The following CPNE4 variants were observed in gnomAD, a reference collection of about 807,000 sequenced individuals.
CPNE4 encodes copine 4, also known as copine-4.
Under a neutral mutation model 67.9 loss-of-function variants are expected in CPNE4, and 25 were observed. The ratio of observed to expected loss-of-function variants is 0.37; its 90% CI spans 0.27 to 0.51. CPNE4 has a LOEUF of 0.51. Among genes scored for constraint, CPNE4 ranks in the 20% least tolerant of loss-of-function variants. The pLI, the probability that CPNE4 is intolerant of heterozygous loss-of-function variation, is 0.93. For missense variants in CPNE4, 464 were observed against 690.8 expected (o/e 0.67, Z 3.68); for synonymous variants, 242 against 244.9 (o/e 0.99, Z 0.11).
chr3:132,014,893 G>T (rs972827792), intron 1 of CPNE4, among the ~76,000 whole-genome samples: 1 of 152,024 alleles, frequency 6.6e-6, no homozygotes, highest in Non-Finnish European at 1.5e-5. Flanking sequence ...ATTTTAAAAT[G>T]GATCCTATTA....
intron 1 of CPNE4, among the ~76,000 whole-genome samples, chr3:132,025,137 G>C (rs2074090423): frequency 6.6e-6 from 1 of 152,210 alleles, no homozygotes; most frequent in African/African-American, 2.4e-5. Context: ...ACCATGGCTT[G>C]AAGATAATAT....
At chr3:132,008,821 A>G (rs760157994) in intron 1 of CPNE4, among the ~76,000 whole-genome samples, 3 of 152,162 alleles carry the variant, frequency 2.0e-5, no homozygotes, top group African/African-American at 4.8e-5. Context: ...ATATCACTCA[A>G]GAAGGAGATG....
At chr3:131,842,483 C>T (rs1200244437) in intron 2 of CPNE4, among the ~76,000 whole-genome samples, 1 of 152,092 alleles carries the variant, frequency 6.6e-6, no homozygotes, top group Non-Finnish European at 1.5e-5. Flanking sequence ...CACTCTGAAC[C>T]CAGATAACAT....
intron 5 of CPNE4, among the ~76,000 whole-genome samples, chr3:131,693,253 C>G (rs1348171551): frequency 6.6e-6 from 1 of 151,958 alleles, no homozygotes; most frequent in African/African-American, 2.4e-5. Context: ...TCTTAAGACC[C>G]CTTTACATTC....
chr3:132,023,519 GCT>G, intron 1 of CPNE4, among the ~76,000 whole-genome samples: 1 of 112,074 alleles, frequency 8.9e-6, no homozygotes, highest in African/African-American at 3.6e-5. Flanking sequence ...ACGGAGTCTC[GCT>G]CTGTCGCCCA....
At chr3:131,850,045 G>C (rs943499845) in intron 2 of CPNE4, among the ~76,000 whole-genome samples, 1 of 152,050 alleles carries the variant, frequency 6.6e-6, no homozygotes, top group African/African-American at 2.4e-5. Context: ...TATAAAATTT[G>C]CAGTATTCAT....
chr3:131,728,692 C>T (rs995547823), intron 2 of CPNE4, among the ~76,000 whole-genome samples: 3 of 151,708 alleles, frequency 2.0e-5, no homozygotes, highest in Non-Finnish European at 4.4e-5. Flanking sequence ...GGGCGGATCA[C>T]GAGGTCAGGA....
chr3:131,564,885 A>G (rs1211160040), intron 10 of CPNE4, among the ~76,000 whole-genome samples: 2 of 152,158 alleles, frequency 1.3e-5, no homozygotes, highest in African/African-American at 2.4e-5. Context: ...GAGCAGCTCC[A>G]TGTAAGGCAT....
At chr3:131,725,041 C>T (rs2081971117) in intron 2 of CPNE4, among the ~76,000 whole-genome samples, 1 of 152,198 alleles carries the variant, frequency 6.6e-6, no homozygotes, top group African/African-American at 2.4e-5. Context: ...GTACTGTCAG[C>T]TTTCAAATAG....
intron 7 of CPNE4, among the ~76,000 whole-genome samples, chr3:131,652,546 T>C (rs1305062501): frequency 6.6e-6 from 1 of 152,154 alleles, no homozygotes; most frequent in African/African-American, 2.4e-5. Context: ...TAAAAATGTG[T>C]GTGTGAATTT....
At chr3:131,538,197 T>G (rs1370597268) in intron 15 of CPNE4, among the ~76,000 whole-genome samples, 1 of 152,266 alleles carries the variant, frequency 6.6e-6, no homozygotes, top group Admixed American at 6.5e-5. Context: ...GGTAATATTC[T>G]ATATCTGTGC....
At chr3:131,861,982 G>C (rs2086708350) in intron 2 of CPNE4, among the ~76,000 whole-genome samples, 2 of 152,176 alleles carry the variant, frequency 1.3e-5, no homozygotes, top group African/African-American at 2.4e-5. Flanking sequence ...CCAATATTTA[G>C]ACATCATCTC....
chr3:131,592,309 G>A (rs34430199), intron 7 of CPNE4, among the ~76,000 whole-genome samples: 5,025 of 152,282 alleles, frequency 0.033, 110 homozygotes, highest in Non-Finnish European at 0.048. Context: ...CTGAGGCACA[G>A]AAAGATGAAG....
At chr3:131,739,479 A>G (rs1326085786) in intron 2 of CPNE4, among the ~76,000 whole-genome samples, 1 of 152,182 alleles carries the variant, frequency 6.6e-6, no homozygotes, top group Non-Finnish European at 1.5e-5. Context: ...GTGAGTATAA[A>G]CATCTTCTTT....
intron 2 of CPNE4, among the ~76,000 whole-genome samples, chr3:131,761,836 T>C (rs924775143): frequency 6.6e-6 from 1 of 152,128 alleles, no homozygotes; most frequent in Non-Finnish European, 1.5e-5. Context: ...TATCAGGGCA[T>C]TTCTCAAAAA....
chr3:131,550,256 T>G (rs1459842449), intron 13 of CPNE4, among the ~76,000 whole-genome samples, 176 bp from the exon 14 acceptor site: 1 of 152,160 alleles, frequency 6.6e-6, no homozygotes, highest in African/African-American at 2.4e-5. Flanking sequence ...CCTTCCCCAC[T>G]GAAATCATTC....
chr3:131,911,365 G>A (rs1399737148), intron 1 of CPNE4, among the ~76,000 whole-genome samples: 3 of 152,106 alleles, frequency 2.0e-5, no homozygotes, highest in Non-Finnish European at 2.9e-5. Flanking sequence ...CTGACACCTC[G>A]ATTGCAGACT....
chr3:131,902,154 C>A (rs996134274), intron 2 of CPNE4, among the ~76,000 whole-genome samples: 2 of 151,866 alleles, frequency 1.3e-5, no homozygotes, highest in Non-Finnish European at 2.9e-5. Flanking sequence ...CTAGAAGTAC[C>A]ACAATATCAA....
rs373083817 is a variant in CPNE4, at chr3:131,644,272, C to T, written c.681+25403G>A. ...AAGCCATTCTCCTGCCTCAACCTCC[C>T]GAGTAGCTGGGACTACAGGTGCCCG... On this transcript the variant is annotated intron_variant, in intron 7 of 15. Transcript: ENST00000429747. 4.0e-4 allele frequency among the ~76,000 whole-genome samples: 61 copies of T among 152,144 alleles called. 2 individuals carry two copies. The South Asian group carries it at 0.01, about 26-fold the overall frequency.
Sources: allele counts gnomAD v4.1 joint callset (sites outside exome capture counted in the v4.1 genomes callset), GRCh38; gene constraint gnomAD v4.1.1; transcripts MANE v1.5; gene names NCBI Gene and HGNC (gene_info 2026-07-23, HGNC 2026-07-21).